The following SLC9A9 variants were observed in gnomAD, a reference collection of about 807,000 sequenced individuals.
SLC9A9 encodes solute carrier family 9 member A9.
In SLC9A9, 62 loss-of-function variants were observed where a neutral mutation model predicts 77.8. That is an observed-to-expected ratio of 0.80 (90% CI 0.65 to 0.98). SLC9A9 has a LOEUF of 0.98. SLC9A9 is among the 50% of genes least tolerant of loss of function. The pLI, the probability that SLC9A9 is intolerant of heterozygous loss-of-function variation, is 0.00. For synonymous variants in SLC9A9, 320 were observed against 283.5 expected, an observed-to-expected ratio of 1.13 and a Z score of -1.29; for missense variants, 775 against 774.9, an observed-to-expected ratio of 1.00 and a Z score of 0.00.
At chr3:143,716,380 T>TA (rs780449973) in intron 4 of SLC9A9, among the ~76,000 whole-genome samples, 8 of 128,112 alleles carry the variant, frequency 6.2e-5, no homozygotes, top group Non-Finnish European at 1.2e-4. Context: ...GGCTTTTTTT[T>TA]ATGTCAGTAT....
intron 11 of SLC9A9, among the ~76,000 whole-genome samples, chr3:143,470,971 A>T (rs2035367248): frequency 1.3e-5 from 2 of 152,366 alleles, no homozygotes; most frequent in Admixed American, 1.3e-4. Context: ...CAATGCAGAG[A>T]TTTCAGAAAC....
At chr3:143,440,341 T>C (rs2034708366) in intron 12 of SLC9A9, among the ~76,000 whole-genome samples, 1 of 152,180 alleles carries the variant, frequency 6.6e-6, no homozygotes, top group South Asian at 2.1e-4. Context: ...GGGTTCCCTT[T>C]TGCTTATGAT....
intron 5 of SLC9A9, among the ~76,000 whole-genome samples, chr3:143,663,407 T>C (rs569945339): frequency 6.6e-6 from 1 of 152,316 alleles, no homozygotes; most frequent in African/African-American, 2.4e-5. Flanking sequence ...GCACCTCTTC[T>C]CCTCCAAAGA....
intron 4 of SLC9A9, among the ~76,000 whole-genome samples, chr3:143,706,570 G>A (rs1372418773): frequency 1.3e-5 from 2 of 152,200 alleles, no homozygotes; most frequent in African/African-American, 4.8e-5. Flanking sequence ...GCCCCATTCA[G>A]CTCTGCTGTG....
chr3:143,465,146 G>C (rs182088746), intron 12 of SLC9A9, among the ~76,000 whole-genome samples: 4 of 152,204 alleles, frequency 2.6e-5, no homozygotes, highest in African/African-American at 9.6e-5. Flanking sequence ...CTGGGGCATC[G>C]CCATGACCTG....
chr3:143,646,910 T>C (rs1048476609), intron 6 of SLC9A9, among the ~76,000 whole-genome samples: 1 of 152,218 alleles, frequency 6.6e-6, no homozygotes, highest in African/African-American at 2.4e-5. Context: ...TACTCCATTG[T>C]TGGTTTAATT....
At chr3:143,317,976 C>T (rs1488596875) in intron 14 of SLC9A9, among the ~76,000 whole-genome samples, 10 of 152,152 alleles carry the variant, frequency 6.6e-5, no homozygotes, top group African/African-American at 2.4e-4. Flanking sequence ...ATCTGCCCAC[C>T]TTGGCCTCCC....
At chr3:143,800,573 C>T (rs1448197290) in intron 2 of SLC9A9, among the ~76,000 whole-genome samples, 3 of 152,122 alleles carry the variant, frequency 2.0e-5, no homozygotes, top group Non-Finnish European at 4.4e-5. Flanking sequence ...ACCACTTATC[C>T]CAGTCTCTCT....
chr3:143,801,559 G>A (rs952801747), intron 2 of SLC9A9, among the ~76,000 whole-genome samples: 11 of 152,012 alleles, frequency 7.2e-5, no homozygotes, highest in African/African-American at 2.7e-4. Context: ...TGACCCCCAT[G>A]ACTGTATCTC....
chr3:143,414,422 G>A (rs2034154187), intron 12 of SLC9A9, among the ~76,000 whole-genome samples: 1 of 152,150 alleles, frequency 6.6e-6, no homozygotes, highest in Non-Finnish European at 1.5e-5. Context: ...GCAAGTTTGT[G>A]GCAACTGTAT....
chr3:143,381,914 AT>A, intron 13 of SLC9A9, 145 bp downstream of exon 13: 1 of 934,028 alleles, frequency 1.1e-6, no homozygotes, highest in Middle Eastern at 2.4e-4. Flanking sequence ...ATTCCCTTGT[AT>A]TTTATTGTAA....
At chr3:143,558,063 T>C (rs1334135357) in intron 8 of SLC9A9, among the ~76,000 whole-genome samples, 1 of 152,192 alleles carries the variant, frequency 6.6e-6, no homozygotes, top group Non-Finnish European at 1.5e-5. Context: ...GCCCCCCTGC[T>C]CTGTGCAGCC....
At chr3:143,366,843 G>T (rs2032922167) in intron 13 of SLC9A9, among the ~76,000 whole-genome samples, 1 of 152,114 alleles carries the variant, frequency 6.6e-6, no homozygotes, top group Non-Finnish European at 1.5e-5. Flanking sequence ...GATACAAGTG[G>T]AGAGCAAACT....
At chr3:143,809,921 G>C (rs1445409537) in intron 2 of SLC9A9, among the ~76,000 whole-genome samples, 1 of 152,136 alleles carries the variant, frequency 6.6e-6, no homozygotes, top group Non-Finnish European at 1.5e-5. Flanking sequence ...ATGGTTACTA[G>C]AATTTAAAAT....
At chr3:143,437,036 T>C (rs796305309) in intron 12 of SLC9A9, among the ~76,000 whole-genome samples, 33 of 152,386 alleles carry the variant, frequency 2.2e-4, no homozygotes, top group African/African-American at 7.7e-4. Context: ...TATTGGAGTA[T>C]TAACATCTCA....
intron 12 of SLC9A9, among the ~76,000 whole-genome samples, chr3:143,391,752 T>C (rs2033571760): frequency 6.6e-6 from 1 of 152,198 alleles, no homozygotes; most frequent in Non-Finnish European, 1.5e-5. Flanking sequence ...AGAGAAGTCC[T>C]TAAATGACCT....
rs1475986917 is a variant in SLC9A9, at chr3:143,421,703, C to A, written c.1470-39589G>T. ...CCTTGGCAAAGAATTTATGACTAAG[C>A]CCTTAAAAGCAAGTGCAACAAAAAC... On this transcript the variant is annotated intron_variant, in intron 12 of 15. Transcript: ENST00000316549. 2.0e-5 allele frequency among the ~76,000 whole-genome samples: 3 copies of A among 152,034 alleles called. No individual in the cohort carries two copies. The East Asian group carries it at 5.8e-4, about 29-fold the overall frequency.
intron 12 of SLC9A9, among the ~76,000 whole-genome samples, chr3:143,440,333 G>A (rs568122909): frequency 6.6e-6 from 1 of 152,126 alleles, no homozygotes; most frequent in Non-Finnish European, 1.5e-5. Context: ...TTCTGGGAGG[G>A]TTCCCTTTTG....
chr3:143,324,739 C>T (rs1460872531), intron 14 of SLC9A9, among the ~76,000 whole-genome samples: 2 of 152,044 alleles, frequency 1.3e-5, no homozygotes, highest in Non-Finnish European at 2.9e-5. Context: ...GGAAGATCAC[C>T]TGAGCCCAGG....
Sources: allele counts gnomAD v4.1 joint callset (sites outside exome capture counted in the v4.1 genomes callset), GRCh38; gene constraint gnomAD v4.1.1; transcripts MANE v1.5; gene names NCBI Gene and HGNC (gene_info 2026-07-23, HGNC 2026-07-21).